Variants in STXBP2 observed in about 807,000 individuals in gnomAD.
STXBP2 encodes the protein syntaxin-binding protein 2.
In STXBP2, 47 loss-of-function variants were observed where a neutral mutation model predicts 72.2. The observed-to-expected ratio is 0.65, with a 90% CI of 0.51 to 0.83. The LOEUF (loss-of-function observed/expected upper bound fraction) is 0.83. Among genes scored for constraint, STXBP2 ranks in the 40% least tolerant of loss-of-function variants. The probability of loss-of-function intolerance (pLI) is 0.00; values close to 1 mark genes in which losing one functional copy is unlikely to be tolerated. For missense variants in STXBP2, 702 were observed against 807.6 expected, an observed-to-expected ratio of 0.87 and a Z score of 1.58; for synonymous variants, 367 against 338.7, an observed-to-expected ratio of 1.08 and a Z score of -0.92.
Position 7,646,034 on chromosome 19 carries a change from G to A in STXBP2, c.1357-215G>A, listed in dbSNP as rs1076997. On this transcript the variant is annotated intron_variant, in intron 15 of 18. Transcript: ENST00000221283. ...CTCTGTCTTTGTCTTTCTCTGGCTC[G>A]CTCTCTCTCCCTTTGGCTTTCTCTC... is the stretch of plus-strand genomic sequence containing the variant. 0.19 allele frequency: 111,634 copies of A among 588,360 alleles called. 11,637 individuals are homozygous for A. Among genetic ancestry groups the A allele is most frequent in the South Asian group, 0.23 (11,166 of 48,882 alleles). 36.4% of individuals were successfully genotyped at this position (588,360 alleles called of 1,614,324 possible). A position where few individuals can be genotyped will look rare whatever the true frequency, so the allele number is the denominator to read the frequency against.
chr19:7,632,658 G>A, upstream of STXBP2: 1 of 1,555,436 alleles, frequency 6.4e-7, no homozygotes, highest in Non-Finnish European at 8.7e-7. This position sits in a 1 kb window ranked among gnomAD's most constrained non-coding sequence, Gnocchi z 5.2. Context: ...ATGACCACTT[G>A]CCCTGCACTC....
In STXBP2 at chr19:7,644,673, C is replaced by A. The variant is rs139160342; in HGVS notation, c.1167C>A (p.Ile389=). ...GEKIKDSMKL[I]VPVLLDAAVP... ...AGATCAAGGACTCCATGAAGCTGAT[C>A]GTTCCGGTGCTGCTGGACGCGGCGG... The change falls in exon 14 of 19, where the codon ATC becomes ATA. Residue 389 remains isoleucine, a synonymous_variant. Transcript: ENST00000221283. 8.7e-6 allele frequency: 14 copies of A among 1,613,590 alleles called. No individual in the cohort carries two copies. The African/African-American group carries it at 1.1e-4, about 12-fold the overall frequency.
intron 3 of STXBP2, 146 bp from the exon 4 acceptor site, chr19:7,639,585 C>T (rs1318788118): frequency 6.7e-6 from 5 of 742,462 alleles, no homozygotes; most frequent in Admixed American, 4.1e-5. Flanking sequence ...TGGCTCTTAG[C>T]TGGTGGTCCC....
intron 4 of STXBP2, chr19:7,640,348 G>C (rs764239074): frequency 2.0e-6 from 1 of 502,058 alleles, no homozygotes; most frequent in South Asian, 1.6e-5. Context: ...GTGTGTATGC[G>C]TCTGTGCATG....
At chr19:7,640,629 A>T in intron 4 of STXBP2, 102 bp from the exon 5 acceptor site, 1 of 1,476,242 alleles carries the variant, frequency 6.8e-7, no homozygotes, top group South Asian at 1.1e-5. Context: ...CCGTCCGTCC[A>T]TGTTTGCACA....
chr19:7,641,657 G>A, intron 6 of STXBP2, 48 bp from the exon 7 acceptor site: 1 of 1,549,450 alleles, frequency 6.5e-7, no homozygotes, highest in Non-Finnish European at 8.7e-7. Context: ...CGGGGCAGGT[G>A]TGCACCTGCA....
In STXBP2 at chr19:7,642,909, C is replaced by A. The variant is rs1463505981; in HGVS notation, c.961-74C>A. The A allele has an allele frequency of 9.3e-6, 15 of 1,612,730 alleles. No individual in the cohort carries two copies. Among genetic ancestry groups the A allele is most frequent in the Non-Finnish European group, 1.0e-5 (12 of 1,178,672 alleles). Reference sequence around the variant, plus strand: ...GCAGGGCCACAGCCTGGATTTCGAGCCTGGACTGAGACCCAGGTGGGCACT... The same window carrying A: ...GCAGGGCCACAGCCTGGATTTCGAGACTGGACTGAGACCCAGGTGGGCACT... On this transcript the variant is annotated intron_variant, in intron 11 of 18. Coordinates refer to ENST00000221283, the MANE Select transcript of STXBP2 (RefSeq NM_006949.4). The surrounding 1 kb of genome is among the most constrained non-coding windows in gnomAD (Gnocchi z 6.0).
intron 15 of STXBP2, 31 bp from the exon 16 acceptor site, chr19:7,646,218 C>T (rs1421622439): frequency 1.9e-6 from 3 of 1,565,538 alleles, no homozygotes; most frequent in African/African-American, 1.3e-5. Context: ...TCCCCTCAAT[C>T]CCCCTGCTGC....
At chr19:7,640,151 T>G (rs1249814110) in intron 4 of STXBP2, 1 of 560,478 alleles carries the variant, frequency 1.8e-6, no homozygotes, top group African/African-American at 2.0e-5. Flanking sequence ...TGCATCTGTG[T>G]GCATCTGTAT....
Position 7,642,983 on chromosome 19 carries a change from G to A in STXBP2, c.961G>A (p.Ala321Thr). The change falls in exon 12 of 19, where the codon GCG becomes ACG. Residue 321 changes from alanine to threonine, a missense_variant and splice_region_variant. Transcript: ENST00000221283. The surrounding 1 kb of genome is among the most constrained non-coding windows in gnomAD (Gnocchi z 6.0). ...CESKRLTTDK[A>T]NIKDLSQILK... is the part of the protein sequence containing the mutation. ...TACCCTCTTCCCCCTACTTCCCCAG[G>A]CGAACATCAAAGACCTATCCCAGAT... 6.2e-7 allele frequency: 1 copy of A among 1,614,088 alleles called. No homozygotes were observed. The highest frequency in any genetic ancestry group is 8.5e-7 in the Non-Finnish European group (1 of 1,180,010).
intron 13 of STXBP2, among the ~76,000 whole-genome samples, chr19:7,644,176 G>T (rs2032032189): frequency 5.4e-5 from 6 of 111,884 alleles, no homozygotes; most frequent in African/African-American, 2.4e-4. Flanking sequence ...CTGGGTGAGG[G>T]GTGGAGCCTC....
chr19:7,641,973 T>G (rs980716626), intron 7 of STXBP2, 61 bp from the exon 8 acceptor site: 43 of 1,593,776 alleles, frequency 2.7e-5, no homozygotes, highest in Non-Finnish European at 3.5e-5. Flanking sequence ...GACTCTCACC[T>G]TCAAACCCAT....
upstream of STXBP2, chr19:7,631,989 G>C (rs2031331345): frequency 1.7e-6 from 1 of 572,272 alleles, no homozygotes; most frequent in Non-Finnish European, 2.7e-6. Flanking sequence ...GGCAGGTCTT[G>C]GGGCCCTCGC....
intron 4 of STXBP2, 52 bp from the exon 5 acceptor site, chr19:7,640,678 CA>C: frequency 6.2e-7 from 1 of 1,609,732 alleles, no homozygotes; most frequent in South Asian, 1.1e-5. Context: ...CCTAGGCAGC[CA>C]ATGAGCCTAG....
In STXBP2 at chr19:7,644,676, TC is replaced by T; in HGVS notation, c.1172del (p.Pro391ArgfsTer27). ...TCAAGGACTCCATGAAGCTGATCGT[TC>T]CGGTGCTGCTGGACGCGGCGGTGCC... Reference protein sequence around the residue: ...KIKDSMKLIVPVLLDAAVPAY... With the variant: ...KIKDSMKLIVXVLLDAAVPAY... On this transcript the variant is annotated frameshift_variant, in exon 14 of 19. Coordinates refer to ENST00000221283, the MANE Select transcript of STXBP2 (RefSeq NM_006949.4). LOFTEE classifies it high-confidence loss of function. 1.2e-6 allele frequency: 2 copies of T among 1,613,750 alleles called. No individual in the cohort carries two copies. The highest frequency in any genetic ancestry group is 1.7e-6 in the Non-Finnish European group (2 of 1,179,850).
chr19:7,647,819 C>T lies in STXBP2; in HGVS notation c.*9C>T, dbSNP rs768603839. On this transcript the variant is annotated 3_prime_UTR_variant, in exon 19 of 19. Transcript: ENST00000221283. ...ACATTGCCCTGCCCTGACCCCTGGC[C>T]CCGCCCCCTACCCCTCCCTTTCCAG... The T allele has an allele frequency of 6.9e-6, 11 of 1,605,748 alleles. No homozygotes were observed. The highest frequency in any genetic ancestry group is 1.7e-4 in the Middle Eastern group (1 of 6,000).
At position 7,645,319 on chromosome 19, in the gene STXBP2, C is replaced by A. The variant is rs544312114; in HGVS notation, c.1356+13C>A. 1.3e-6 allele frequency: 2 copies of A among 1,568,738 alleles called. No individual in the cohort carries two copies. The highest frequency in any genetic ancestry group is 1.7e-6 in the Non-Finnish European group (2 of 1,155,746). ...CACCAACCCCGGGGTACGCCAGGAGCGGGCATGGGGGGACCCTGGGAGAGG... is the reference window on the plus strand; with the variant it reads ...CACCAACCCCGGGGTACGCCAGGAGAGGGCATGGGGGGACCCTGGGAGAGG... On this transcript the variant is annotated intron_variant, in intron 15 of 18. Transcript: ENST00000221283.
the STXBP2 span, chr19:7,631,407 GGTGGT>G: frequency 1.2e-6 from 1 of 863,408 alleles, no homozygotes; most frequent in Non-Finnish European, 1.7e-6. Flanking sequence ...GGCGGGGGGG[GGTGGT>G]CCCGGCTCTG....
At chr19:7,638,633 A>T in intron 1 of STXBP2, 93 bp from the exon 2 acceptor site, 1 of 1,365,900 alleles carries the variant, frequency 7.3e-7, no homozygotes, top group Non-Finnish European at 1.0e-6. Flanking sequence ...AATGGGAATT[A>T]AGATGGGGGT....
Sources: allele counts gnomAD v4.1 joint callset (sites outside exome capture counted in the v4.1 genomes callset), GRCh38; gene constraint gnomAD v4.1.1; non-coding constraint Gnocchi (gnomAD v3.1); transcripts MANE v1.5; gene names NCBI Gene and HGNC (gene_info 2026-07-23, HGNC 2026-07-21).